The following MYH15 variants were observed in gnomAD, a reference collection of about 807,000 sequenced individuals.
MYH15 encodes the protein myosin heavy chain 15.
A neutral mutation model predicts 240.5 loss-of-function variants in MYH15; 227 were observed. That is an observed-to-expected ratio of 0.94 (90% CI 0.85 to 1.05). MYH15 has a LOEUF of 1.05. Among genes scored for constraint, MYH15 ranks in the 50% least tolerant of loss-of-function variants. MYH15 has a pLI of 0.00. For synonymous variants in MYH15, 785 were observed against 796.7 expected (o/e 0.99, Z 0.25); for missense variants, 2,217 against 2,247.5 (o/e 0.99, Z 0.27).
intron 37 of MYH15, among the ~76,000 whole-genome samples, chr3:108,390,350 G>A (rs1240115193): frequency 3.9e-5 from 6 of 152,054 alleles, no homozygotes; most frequent in Admixed American, 6.5e-5. Context: ...ATTGCTGGTC[G>A]TTGCTACTGA....
chr3:108,408,235 T>C (rs750957758), intron 32 of MYH15, 45 bp downstream of exon 32: 5 of 1,581,536 alleles, frequency 3.2e-6, no homozygotes, highest in Non-Finnish European at 4.3e-6. Flanking sequence ...GCAGATCTTC[T>C]GCCTTGTCAC....
At chr3:108,448,835 C>T (rs1560377179) in intron 21 of MYH15, among the ~76,000 whole-genome samples, 1 of 151,364 alleles carries the variant, frequency 6.6e-6, no homozygotes, top group Non-Finnish European at 1.5e-5. Flanking sequence ...AAATTAGAAA[C>T]AAAGAAGTTA....
At chr3:108,416,336 T>C (rs2082632349) in intron 29 of MYH15, among the ~76,000 whole-genome samples, 1 of 152,208 alleles carries the variant, frequency 6.6e-6, no homozygotes. Context: ...TCATATCTCA[T>C]GTTAGTCACT....
chr3:108,438,682 G>C (rs2082861023), intron 24 of MYH15, among the ~76,000 whole-genome samples: 1 of 152,134 alleles, frequency 6.6e-6, no homozygotes, highest in African/African-American at 2.4e-5. Context: ...ACAGGGAGAA[G>C]TCACCCTCCA....
rs889045635 is a variant in MYH15 at position 108,455,773 on chromosome 3, T to C, written c.2225A>G (p.Glu742Gly). 1.2e-6 allele frequency: 2 copies of C among 1,613,774 alleles called. No homozygotes were observed. Among genetic ancestry groups the C allele is most frequent in the African/African-American group, 2.7e-5 (2 of 74,926 alleles). ...AAATCGGTACTGGGTATGGTCTATC[T>C]CCAAGGAGCCAAGTAATTCTTCAGC... Reference protein sequence around the residue: ...KAAEELLGSLEIDHTQYRFGI... With the variant: ...KAAEELLGSLGIDHTQYRFGI... Residue 742 changes from glutamate (E) to glycine (G), a missense_variant, in exon 20 of 41, where the codon GAG (glutamate) becomes GGG (glycine). Transcript: ENST00000693548.
chr3:108,457,312 T>A (rs13059996), intron 18 of MYH15, among the ~76,000 whole-genome samples: 2 of 152,078 alleles, frequency 1.3e-5, no homozygotes, highest in Non-Finnish European at 2.9e-5. Flanking sequence ...CAAGGAAGAA[T>A]AAAAGGAAAG....
intron 35 of MYH15, among the ~76,000 whole-genome samples, chr3:108,398,427 T>A (rs2082478582): frequency 6.6e-6 from 1 of 152,226 alleles, no homozygotes; most frequent in South Asian, 2.1e-4. Context: ...CTTCCGTTGC[T>A]TTACGCCACC....
intron 21 of MYH15, among the ~76,000 whole-genome samples, chr3:108,451,935 A>T (rs1258426498): frequency 6.6e-6 from 1 of 151,338 alleles, no homozygotes; most frequent in Admixed American, 6.6e-5. Flanking sequence ...CCTGATAAAA[A>T]TGCTTAACAA....
rs1246611929 is a variant in MYH15 at position 108,455,739 on chromosome 3, A to G, written c.2259T>C (p.Thr753=). The part of the protein sequence containing the change: ...IDHTQYRFGI[T]KVFFKAGFLG... Reference sequence around the variant, plus strand: ...TTCTTTGCAGTTTTCTGGTTACCTTAGTGATTCCAAATCGGTACTGGGTAT... The same window carrying G: ...TTCTTTGCAGTTTTCTGGTTACCTTGGTGATTCCAAATCGGTACTGGGTAT... Residue 753 remains threonine (T), a synonymous_variant, in exon 20 of 41, where the codon ACT becomes ACC. Transcript: ENST00000693548. 6.2e-7 allele frequency: 1 copy of G among 1,613,534 alleles called. No homozygotes were observed. Among genetic ancestry groups the G allele is most frequent in the African/African-American group, 1.3e-5 (1 of 74,904 alleles).
At chr3:108,456,657 T>A (rs554638043) in intron 19 of MYH15, 109 bp downstream of exon 19, 2 of 739,896 alleles carry the variant, frequency 2.7e-6, no homozygotes, top group African/African-American at 3.5e-5. Flanking sequence ...CATCGATTTG[T>A]AGTCTGGAGG....
the MYH15 span, among the ~76,000 whole-genome samples, chr3:108,547,897 T>G: frequency 3.1e-3 from 473 of 152,296 alleles, 2 homozygotes; most frequent in Non-Finnish European, 5.4e-3. Flanking sequence ...CACAAATTAC[T>G]TATTATTTCC....
At chr3:108,396,991 G>GT (rs2082466904) in intron 35 of MYH15, among the ~76,000 whole-genome samples, 1 of 152,230 alleles carries the variant, frequency 6.6e-6, no homozygotes, top group African/African-American at 2.4e-5. Flanking sequence ...AATGCCAGTG[G>GT]TATTTCCCAG....
At position 108,510,567 on chromosome 3, in the gene MYH15, CG is replaced by C. The variant is rs865885942; in HGVS notation, c.-38del. The C allele has an allele frequency of 7.5e-6, 12 of 1,606,792 alleles. No homozygotes were observed. Among genetic ancestry groups the C allele is most frequent in the Middle Eastern group, 1.7e-4 (1 of 6,040 alleles). ...CAATCCACCAAAAAAAGGCCCTAAA[CG>C]TGAGTAGGCAAGATTCAACCTGAAA... On this transcript the variant is annotated 5_prime_UTR_variant, in exon 1 of 41. Transcript: ENST00000693548.
At chr3:108,388,827 G>T in intron 38 of MYH15, 143 bp downstream of exon 38, 1 of 631,684 alleles carries the variant, frequency 1.6e-6, no homozygotes, top group Non-Finnish European at 2.7e-6. Context: ...GCTCTGGGAG[G>T]GTGAGTCAGT....
At chr3:108,468,295 A>G (rs1335917096) in intron 14 of MYH15, among the ~76,000 whole-genome samples, 1 of 152,212 alleles carries the variant, frequency 6.6e-6, no homozygotes, top group African/African-American at 2.4e-5. Context: ...ACTTACAAAT[A>G]TGAAACTTTT....
chr3:108,501,878 T>A, intron 2 of MYH15, 23 bp from the exon 3 acceptor site: 1 of 1,609,894 alleles, frequency 6.2e-7, no homozygotes, highest in Non-Finnish European at 8.5e-7. Context: ...GAAAAATATA[T>A]GATATATTCC....
At chr3:108,431,009 A>T in intron 25 of MYH15, 87 bp from the exon 26 acceptor site, 1 of 910,830 alleles carries the variant, frequency 1.1e-6, no homozygotes, top group Non-Finnish European at 1.7e-6. Flanking sequence ...CCTAACACAA[A>T]GAAAAGATAA....
In MYH15 at chr3:108,498,071, A is replaced by T; in HGVS notation, c.599T>A (p.Ile200Asn). ...ACTTACCTGCTTTTTCCTGGATTCA[A>T]TCATGGCTGCTATGGTGGCAAAATA... ...IQYFATIAAM[I>N]ESRKKQGALE... The change falls in exon 6 of 41, where the codon ATT becomes AAT. Residue 200 changes from isoleucine to asparagine, a missense_variant. Ile to Asn is a moderately radical substitution (Grantham distance 149). Coordinates refer to ENST00000693548, the MANE Select transcript of MYH15 (RefSeq NM_014981.3). 1 of 1,614,038 alleles carries T rather than the reference A, an allele frequency of 6.2e-7. No individual in the cohort carries two copies. The highest frequency in any genetic ancestry group is 8.5e-7 in the Non-Finnish European group (1 of 1,179,962).
chr3:108,390,004 G>C (rs2082412217), intron 37 of MYH15, among the ~76,000 whole-genome samples: 1 of 152,172 alleles, frequency 6.6e-6, no homozygotes, highest in Non-Finnish European at 1.5e-5. Context: ...GAAGGGAGGG[G>C]AGCAAGTGTG....
Sources: gnomAD v4.1 joint callset for allele counts (sites outside exome capture counted in the v4.1 genomes callset) on GRCh38, gnomAD v4.1.1 for gene constraint, MANE v1.5 for transcripts, NCBI Gene and HGNC (gene_info 2026-07-23, HGNC 2026-07-21) for gene names.